Variants in MYBL2 observed in about 807,000 individuals in gnomAD.
MYBL2 encodes the protein myb-related protein B.
In MYBL2, 28 loss-of-function variants were observed where a neutral mutation model predicts 79.9. The ratio of observed to expected loss-of-function variants is 0.35; its 90% CI spans 0.26 to 0.48. The LOEUF (loss-of-function observed/expected upper bound fraction) is 0.48. MYBL2 is among the 20% of genes least tolerant of loss of function. The probability of loss-of-function intolerance (pLI) is 0.99; values close to 1 mark genes in which losing one functional copy is unlikely to be tolerated. For synonymous variants in MYBL2, 378 were observed against 361.2 expected (o/e 1.05, Z -0.53); for missense variants, 735 against 893.9 (o/e 0.82, Z 2.27).
At chr20:43,710,108 C>T (rs1407866440) in intron 10 of MYBL2, 46 bp downstream of exon 10, 1 of 1,461,504 alleles carries the variant, frequency 6.8e-7, no homozygotes, top group Non-Finnish European at 9.4e-7. Flanking sequence ...AGTGGGATCC[C>T]TTCGGTTCAT....
intron 5 of MYBL2, 112 bp downstream of exon 5, chr20:43,687,184 A>G (rs1410726825): frequency 9.6e-6 from 11 of 1,147,478 alleles, no homozygotes; most frequent in Non-Finnish European, 1.2e-5. Flanking sequence ...GTTCTGTAAC[A>G]CCCAGCCTCG....
At chr20:43,714,772 A>G (rs374224284) in intron 12 of MYBL2, among the ~76,000 whole-genome samples, 2 of 152,050 alleles carry the variant, frequency 1.3e-5, no homozygotes, top group South Asian at 2.1e-4. Flanking sequence ...CTGGGACAAC[A>G]GGCGCCCACC....
At chr20:43,671,384 C>G (rs546377559) in intron 1 of MYBL2, among the ~76,000 whole-genome samples, 1 of 151,692 alleles carries the variant, frequency 6.6e-6, no homozygotes, top group South Asian at 2.1e-4. Context: ...TCTCGAACTC[C>G]TGACCTTGTG....
intron 1 of MYBL2, among the ~76,000 whole-genome samples, chr20:43,671,188 G>A (rs826946): frequency 0.81 from 122,901 of 151,556 alleles, 50,462 homozygotes; most frequent in Non-Finnish European, 0.88. Flanking sequence ...CTCGTCTGTC[G>A]CCCAGGCTGG....
Position 43,716,366 on chromosome 20 carries a change from A to T in MYBL2, c.*279A>T, listed in dbSNP as rs1211128672. On this transcript the variant is annotated 3_prime_UTR_variant, in exon 14 of 14. Transcript: ENST00000217026. ...AGCTCCGTCAGCTTCTCCCAAGCCC[A>T]CGTCAGGCCTGGCCTCATCTCAGAC... is the stretch of plus-strand genomic sequence containing the variant. 1.0e-5 allele frequency: 5 copies of T among 478,728 alleles called. No individual in the cohort carries two copies. The highest frequency in any genetic ancestry group is 2.0e-5 in the African/African-American group (1 of 49,638). The allele number at this position is 478,728 out of a possible 1,614,324, so 29.7% of individuals were successfully genotyped here. A position where few individuals can be genotyped will look rare whatever the true frequency, so the allele number is the denominator to read the frequency against.
chr20:43,674,226 C>CCT (rs1403369652), intron 2 of MYBL2, among the ~76,000 whole-genome samples: 1 of 106,180 alleles, frequency 9.4e-6, no homozygotes, highest in Non-Finnish European at 2.1e-5. Flanking sequence ...TCTGTAACTC[C>CCT]CCCCACCCTT....
chr20:43,692,252 C>T lies in MYBL2; in HGVS notation c.596C>T (p.Pro199Leu). 6.2e-7 allele frequency: 1 copy of T among 1,614,174 alleles called. No individual in the cohort carries two copies. ...FLSESKDCKP[P>L]VYLLLELEDK... ...AGCGAGTCCAAAGACTGCAAGCCCCCAGTGTACTTGCTGCTGGAGCTCGAG... is the reference window on the plus strand; with the variant it reads ...AGCGAGTCCAAAGACTGCAAGCCCCTAGTGTACTTGCTGCTGGAGCTCGAG... The change falls in exon 6 of 14, where the codon CCA (proline) becomes CTA (leucine). Residue 199 changes from proline (P) to leucine (L), a missense_variant. Pro to Leu is a moderately conservative substitution (Grantham distance 98). This residue lies in a region of MYBL2 where 144 missense variants were observed against 131.9 expected (regional missense o/e 1.09). Coordinates refer to ENST00000217026, the MANE Select transcript of MYBL2 (RefSeq NM_002466.4).
At chr20:43,700,146 A>G (rs1987648457) in intron 7 of MYBL2, 102 bp downstream of exon 7, 3 of 1,440,750 alleles carry the variant, frequency 2.1e-6, no homozygotes, top group Non-Finnish European at 2.8e-6. Flanking sequence ...CGCCCTGCTA[A>G]CAGTTACTGA....
chr20:43,695,135 G>T (rs1160519907), intron 6 of MYBL2, among the ~76,000 whole-genome samples: 1 of 151,606 alleles, frequency 6.6e-6, no homozygotes, highest in Non-Finnish European at 1.5e-5. Context: ...CCAAGTTCAA[G>T]TGGTTCTCCT....
At chr20:43,707,597 T>C (rs1314310873) in intron 9 of MYBL2, among the ~76,000 whole-genome samples, 1 of 152,190 alleles carries the variant, frequency 6.6e-6, no homozygotes, top group African/African-American at 2.4e-5. Flanking sequence ...TTTCGCCATA[T>C]TGGCCAGGCT....
intron 1 of MYBL2, among the ~76,000 whole-genome samples, chr20:43,672,377 GC>G (rs1308748620): frequency 3.2e-4 from 18 of 57,020 alleles, no homozygotes; most frequent in African/African-American, 1.0e-3. Flanking sequence ...GATCCCTTGA[GC>G]CCAGGAGTTC....
Position 43,711,596 on chromosome 20 carries a change from C to G in MYBL2, c.1714C>G (p.Pro572Ala). The G allele has an allele frequency of 1.2e-6, 2 of 1,612,034 alleles. No individual in the cohort carries two copies. Among genetic ancestry groups the G allele is most frequent in the African/African-American group, 1.3e-5 (1 of 74,936 alleles). Reference protein sequence around the residue: ...DIRPEKQKRKPGLRRSPIKKV... With the variant: ...DIRPEKQKRKAGLRRSPIKKV... ...CAGGCCCGAGAAGCAGAAGAGGAAG[C>G]CTGGGGTGAGTAGGGTAGGGGTGGG... Residue 572 changes from proline to alanine, a missense_variant, in exon 11 of 14, where the codon CCT (proline) becomes GCT (alanine). Pro to Ala is a conservative substitution (Grantham distance 27). Around this residue, in one of 5 missense-constraint regions of MYBL2, gnomAD observed 204 missense variants for 202.9 expected, o/e 1.01. Transcript: ENST00000217026.
In MYBL2 at chr20:43,667,228, C is replaced by G; in HGVS notation, c.-56C>G. The G allele has an allele frequency of 5.1e-6, 6 of 1,187,182 alleles. No individual in the cohort carries two copies. The highest frequency in any genetic ancestry group is 6.3e-6 in the Non-Finnish European group (6 of 957,228). 73.5% of individuals were successfully genotyped at this position (1,187,182 alleles called of 1,614,324 possible). A position where few individuals can be genotyped will look rare whatever the true frequency, so the allele number is the denominator to read the frequency against. Reference sequence around the variant, plus strand: ...CCCGGGTCCTGACCCCGGCCCGGCTCCCGCTCCGGGCTCTGCCGGCGGGCG... The same window carrying G: ...CCCGGGTCCTGACCCCGGCCCGGCTGCCGCTCCGGGCTCTGCCGGCGGGCG... On this transcript the variant is annotated 5_prime_UTR_variant, in exon 1 of 14. Coordinates refer to ENST00000217026, the MANE Select transcript of MYBL2 (RefSeq NM_002466.4).
At chr20:43,701,242 T>C (rs62226232) in intron 7 of MYBL2, among the ~76,000 whole-genome samples, 1 of 152,176 alleles carries the variant, frequency 6.6e-6, no homozygotes, top group Admixed American at 6.6e-5. Flanking sequence ...CCATCTTCCC[T>C]CCTCTGCTCC....
intron 6 of MYBL2, among the ~76,000 whole-genome samples, chr20:43,698,661 ATTTTTTT>A (rs1188859456): frequency 4.3e-5 from 5 of 115,918 alleles, no homozygotes; most frequent in South Asian, 2.9e-4. Context: ...TACAGGCGTG[ATTTTTTT>A]TTTTTTTTTT....
Position 43,716,116 on chromosome 20 carries a change from C to T in MYBL2, c.*29C>T, listed in dbSNP as rs1301140370. 1.9e-6 allele frequency: 3 copies of T among 1,601,066 alleles called. No homozygotes were observed. The highest frequency in any genetic ancestry group is 1.3e-5 in the African/African-American group (1 of 74,842). On this transcript the variant is annotated 3_prime_UTR_variant, in exon 14 of 14. Coordinates refer to ENST00000217026, the MANE Select transcript of MYBL2 (RefSeq NM_002466.4). The stretch of plus-strand genomic sequence containing the variant: ...GTTGAGGGTGTCACGAGCCCATTCT[C>T]ATGTTTACAGGGGTTGTGGGGGCAG...
In MYBL2 at chr20:43,710,019, C is replaced by T. The variant is rs1251411613; in HGVS notation, c.1562C>T (p.Pro521Leu). ...SMDNTPHTPT[P>L]FKNALEKYGP... ...GACAACACTCCCCACACGCCAACCC[C>T]GTTCAAGAACGCCCTGGAGAAGTAC... is the stretch of plus-strand genomic sequence containing the variant. The change falls in exon 10 of 14, where the codon CCG (proline) becomes CTG (leucine). Residue 521 changes from proline (P) to leucine (L), a missense_variant. Around this residue, in one of 5 missense-constraint regions of MYBL2, gnomAD observed 243 missense variants for 327.2 expected, o/e 0.74. Transcript: ENST00000217026. 8 of 1,609,974 alleles carry T rather than the reference C, an allele frequency of 5.0e-6. No individual in the cohort carries two copies. Among genetic ancestry groups the T allele is most frequent in the Admixed American group, 1.7e-5 (1 of 59,386 alleles).
At chr20:43,706,719 G>GTGTTTTTTTTGTTT in intron 9 of MYBL2, among the ~76,000 whole-genome samples, 1 of 70,782 alleles carries the variant, frequency 1.4e-5, no homozygotes, top group African/African-American at 6.0e-5. Context: ...AAAAAAAAAA[G>GTGTTTTTTTTGTTT]TTTTTTTTTT....
intron 1 of MYBL2, among the ~76,000 whole-genome samples, chr20:43,671,073 A>C (rs925160236): frequency 6.7e-6 from 1 of 150,068 alleles, no homozygotes; most frequent in Admixed American, 6.6e-5. Flanking sequence ...GGTTCAAGCA[A>C]TTCTCCTGCC....
Sources: allele counts gnomAD v4.1 joint callset (sites outside exome capture counted in the v4.1 genomes callset), GRCh38; gene constraint gnomAD v4.1.1; regional missense constraint gnomAD v4.1.1; transcripts MANE v1.5; gene names NCBI Gene and HGNC (gene_info 2026-07-23, HGNC 2026-07-21).